ATXN1: variants seen among roughly 807,000 people sequenced by gnomAD.
The protein encoded by ATXN1 is ataxin-1.
ATXN1 carries 8 observed loss-of-function variants against 56.4 expected under a neutral mutation model. The ratio of observed to expected loss-of-function variants is 0.14; its 90% CI spans 0.08 to 0.26. The LOEUF is 0.26. Ranked by LOEUF, ATXN1 falls within the 10% of genes least tolerant of loss-of-function variation. The pLI, the probability that ATXN1 is intolerant of heterozygous loss-of-function variation, is 1.00. For missense variants in ATXN1, 987 were observed against 1,106.5 expected, an observed-to-expected ratio of 0.89 and a Z score of 1.53; for synonymous variants, 514 against 494.6, an observed-to-expected ratio of 1.04 and a Z score of -0.52.
intron 2 of ATXN1, among the ~76,000 whole-genome samples, chr6:16,731,470 T>C (rs1014299535): frequency 5.8e-5 from 6 of 102,658 alleles, no homozygotes; most frequent in African/African-American, 4.0e-4. Flanking sequence ...TTTTTTTTTT[T>C]TTTTTTTTTT....
Position 16,608,469 on chromosome 6 carries a change from G to A in ATXN1, c.-488-22562C>T, listed in dbSNP as rs530230213. Among the ~76,000 whole-genome samples, 3 of 152,268 alleles carry A rather than the reference G, an allele frequency of 2.0e-5. No individual in the cohort carries two copies. In the South Asian group the frequency reaches 6.2e-4, roughly 32 times the overall value. On this transcript the variant is annotated intron_variant, in intron 3 of 7. Transcript: ENST00000436367. ...TATTTTTTCACTCTTATTCAAAGAC[G>A]TGTGACACTATTATTCTTTGTTTCC... is the stretch of plus-strand genomic sequence containing the variant.
rs1561843820 is a variant in ATXN1, at chr6:16,306,659, G to T, written c.2118C>A (p.Val706=). 7 of 1,614,124 alleles carry T rather than the reference G, an allele frequency of 4.3e-6. No homozygotes were observed. The South Asian group carries it at 7.7e-5, about 18-fold the overall frequency. Residue 706 remains valine (V), a synonymous_variant, in exon 8 of 8, where the codon GTC becomes GTA. Coordinates refer to ENST00000436367, the MANE Select transcript of ATXN1 (RefSeq NM_001128164.2). This position sits in a 1 kb window ranked among gnomAD's most constrained non-coding sequence, Gnocchi z 5.2. The stretch of plus-strand genomic sequence containing the variant: ...CGTCGGCCTTTGAGTGCTTCAGCAG[G>T]ACGCTGGCGGGATCCACGGGCTGGC... ...KKGQPVDPAS[V]LLKHSKADGL... is the part of the protein sequence containing the mutation.
At chr6:16,580,174 T>C (rs1762501852) in intron 4 of ATXN1, among the ~76,000 whole-genome samples, 1 of 152,240 alleles carries the variant, frequency 6.6e-6, no homozygotes, top group African/African-American at 2.4e-5. Flanking sequence ...GAAGCACTAA[T>C]GATATTCAGG....
At position 16,491,258 on chromosome 6, in the gene ATXN1, A is replaced by AATTATT. The variant is rs71535082; in HGVS notation, c.-298-5155_-298-5150dup. 1.2e-3 allele frequency among the ~76,000 whole-genome samples: 126 copies of AATTATT among 107,376 alleles called. 2 individuals carry two copies. Among genetic ancestry groups the AATTATT allele is most frequent in the Middle Eastern group, 4.5e-3 (1 of 222 alleles). The allele number at this position is 107,376 out of a possible 152,430, so 70.4% of individuals were successfully genotyped here. ...TAGGCATATGCCACCACACCTGGCTAATTATTATTATTATTATTATTTTTT... is the reference window on the plus strand; with the variant it reads ...TAGGCATATGCCACCACACCTGGCTAATTATTATTATTATTATTATTATTATTTTTT... On this transcript the variant is annotated intron_variant, in intron 5 of 7. Coordinates refer to ENST00000436367, the MANE Select transcript of ATXN1 (RefSeq NM_001128164.2).
chr6:16,372,934 T>C lies in ATXN1; in HGVS notation c.-160-44464A>G, dbSNP rs437975. The stretch of plus-strand genomic sequence containing the variant: ...GTATCAAAATAAATAAATAAATAAA[T>C]AAACAAACAAACAAACAAACAAACA... On this transcript the variant is annotated intron_variant, in intron 6 of 7. Coordinates refer to ENST00000436367, the MANE Select transcript of ATXN1 (RefSeq NM_001128164.2). 2.8e-3 allele frequency among the ~76,000 whole-genome samples: 412 copies of C among 148,856 alleles called. 4 individuals are homozygous for C. Among genetic ancestry groups the C allele is most frequent in the Middle Eastern group, 0.014 (4 of 290 alleles).
intron 6 of ATXN1, among the ~76,000 whole-genome samples, chr6:16,350,152 A>G (rs1761536119): frequency 6.6e-6 from 1 of 152,226 alleles, no homozygotes; most frequent in South Asian, 2.1e-4. Context: ...GAAATGCAAA[A>G]AAAGTAAGGC....
chr6:16,579,037 C>T (rs1762476110), intron 4 of ATXN1, among the ~76,000 whole-genome samples: 1 of 152,220 alleles, frequency 6.6e-6, no homozygotes, highest in South Asian at 2.1e-4. Flanking sequence ...AGTACTGCAG[C>T]TTGACTACTT....
intron 1 of ATXN1, 77 bp from the exon 2 acceptor site, chr6:16,753,424 C>T: frequency 4.5e-6 from 2 of 447,912 alleles, no homozygotes; most frequent in Non-Finnish European, 9.0e-6. Context: ...AATAAGTCCA[C>T]CTTAAGTGTC....
At chr6:16,707,743 G>C (rs1164768603) in intron 2 of ATXN1, among the ~76,000 whole-genome samples, 1 of 152,078 alleles carries the variant, frequency 6.6e-6, no homozygotes, top group Non-Finnish European at 1.5e-5. Context: ...GTTATGAGTG[G>C]GGGAGTCATT....
In ATXN1 at chr6:16,395,844, A is replaced by G. The variant is rs534958963; in HGVS notation, c.-160-67374T>C. ...CATCCTGGCCAACATGGTGAAACCC[A>G]TCTCTACTAAAAATACAAAAATTAG... On this transcript the variant is annotated intron_variant, in intron 6 of 7. Transcript: ENST00000436367. 7.9e-3 allele frequency among the ~76,000 whole-genome samples: 1,192 copies of G among 151,840 alleles called. 26 individuals carry two copies. The East Asian group carries it at 0.082, about 11-fold the overall frequency.
chr6:16,371,971 G>T (rs1762050119), intron 6 of ATXN1, among the ~76,000 whole-genome samples: 1 of 152,152 alleles, frequency 6.6e-6, no homozygotes, highest in African/African-American at 2.4e-5. Flanking sequence ...ACTGGATCAT[G>T]TGTTATTGTA....
chr6:16,465,818 A>T (rs1300248586), intron 6 of ATXN1, among the ~76,000 whole-genome samples: 1 of 152,178 alleles, frequency 6.6e-6, no homozygotes, highest in Non-Finnish European at 1.5e-5. Flanking sequence ...AATCAAAATG[A>T]TGTACCAAGA....
intron 2 of ATXN1, among the ~76,000 whole-genome samples, chr6:16,723,043 G>C (rs957453583): frequency 7.9e-5 from 12 of 152,046 alleles, no homozygotes; most frequent in Non-Finnish European, 1.8e-4. Flanking sequence ...AAGTACTATT[G>C]GTATGCTACA....
At chr6:16,665,876 C>T (rs960153337) in intron 2 of ATXN1, among the ~76,000 whole-genome samples, 1 of 152,110 alleles carries the variant, frequency 6.6e-6, no homozygotes, top group African/African-American at 2.4e-5. Flanking sequence ...GGTACATGAT[C>T]GTTGTGCATA....
chr6:16,567,566 T>C (rs906283679), intron 4 of ATXN1, among the ~76,000 whole-genome samples: 4 of 152,218 alleles, frequency 2.6e-5, no homozygotes, highest in Non-Finnish European at 2.9e-5. Context: ...GCTTGCATAG[T>C]CCTAGGCATT....
chr6:16,465,858 A>T (rs1423729916), intron 6 of ATXN1, among the ~76,000 whole-genome samples: 1 of 152,206 alleles, frequency 6.6e-6, no homozygotes, highest in African/African-American at 2.4e-5. Flanking sequence ...GGCCACATAA[A>T]GACATGAGAG....
intron 2 of ATXN1, among the ~76,000 whole-genome samples, chr6:16,698,076 T>C (rs1204101089): frequency 6.6e-6 from 1 of 152,172 alleles, no homozygotes; most frequent in Non-Finnish European, 1.5e-5. Context: ...TCCCTTCTAA[T>C]GGCGCAGCAA....
intron 5 of ATXN1, among the ~76,000 whole-genome samples, chr6:16,504,993 C>CT (rs34197922): frequency 0.34 from 45,787 of 135,274 alleles, 8,263 homozygotes; most frequent in South Asian, 0.59. Flanking sequence ...CTCCTGTTTC[C>CT]TTTTTTTTTT....
intron 6 of ATXN1, among the ~76,000 whole-genome samples, chr6:16,424,277 C>T (rs1759096867): frequency 6.6e-6 from 1 of 152,160 alleles, no homozygotes; most frequent in Non-Finnish European, 1.5e-5. Context: ...GGAAGAAGGA[C>T]ACAAGCCGGG....
Sources: gnomAD v4.1 joint callset for allele counts (sites outside exome capture counted in the v4.1 genomes callset) on GRCh38, gnomAD v4.1.1 for gene constraint, Gnocchi (gnomAD v3.1) non-coding constraint, MANE v1.5 for transcripts, NCBI Gene and HGNC (gene_info 2026-07-23, HGNC 2026-07-21) for gene names.